FAM20C: variants seen among roughly 807,000 people sequenced by gnomAD.
The protein encoded by FAM20C is extracellular serine/threonine protein kinase FAM20C.
FAM20C carries 40 observed loss-of-function variants against 51.5 expected under a neutral mutation model. The observed-to-expected ratio is 0.78, with a 90% CI of 0.60 to 1.01. FAM20C has a LOEUF of 1.01. Ranked by LOEUF, FAM20C falls within the 50% of genes least tolerant of loss-of-function variation. The pLI is 0.00. For missense variants in FAM20C, 861 were observed against 844.7 expected (o/e 1.02, Z -0.24); for synonymous variants, 406 against 380.6 (o/e 1.07, Z -0.78).
chr7:257,143 C>G (rs1788619795), intron 8 of FAM20C, 57 bp downstream of exon 8: 1 of 1,481,768 alleles, frequency 6.7e-7, no homozygotes, highest in East Asian at 2.5e-5. Context: ...TCCCAGCTAC[C>G]TGCAGCCCAC....
At chr7:242,994 C>T (rs898981386) in intron 3 of FAM20C, among the ~76,000 whole-genome samples, 5 of 151,340 alleles carry the variant, frequency 3.3e-5, no homozygotes, top group African/African-American at 9.7e-5. Context: ...CTGTGCCACC[C>T]GGGAGACCTG....
intron 3 of FAM20C, among the ~76,000 whole-genome samples, chr7:237,664 G>C (rs2115131467): frequency 6.6e-6 from 1 of 151,930 alleles, no homozygotes; most frequent in African/African-American, 2.4e-5. Flanking sequence ...TGATACTGAT[G>C]GTGATAGTGA....
chr7:192,812 G>A lies in FAM20C; in HGVS notation c.-388G>A, dbSNP rs1349273353. Among the ~76,000 whole-genome samples the A allele has an allele frequency of 1.4e-5, 2 of 139,988 alleles. No individual in the cohort carries two copies. The highest frequency in any genetic ancestry group is 5.1e-5 in the African/African-American group (2 of 39,490). The allele number at this position is 139,988 out of a possible 152,430, so 91.8% of individuals were successfully genotyped here. A position where few individuals can be genotyped will look rare whatever the true frequency, so the allele number is the denominator to read the frequency against. The stretch of plus-strand genomic sequence containing the variant: ...CGGGACGCCTGCGGCCGCCGCCACC[G>A]CCCAGGCCCGTCGCGCCCCGGCCGG... On this transcript the variant is annotated 5_prime_UTR_variant, in exon 1 of 10. Transcript: ENST00000313766.
intron 3 of FAM20C, among the ~76,000 whole-genome samples, chr7:219,173 C>T (rs1787137280): frequency 6.6e-6 from 1 of 152,124 alleles, no homozygotes; most frequent in Admixed American, 6.5e-5. Context: ...AAGCCAGGCT[C>T]CACCTGGGGC....
At chr7:222,326 G>T (rs945744192) in intron 3 of FAM20C, among the ~76,000 whole-genome samples, 1 of 152,184 alleles carries the variant, frequency 6.6e-6, no homozygotes, top group African/African-American at 2.4e-5. Flanking sequence ...GGAGGGACTT[G>T]GGTGTCCAGA....
intron 3 of FAM20C, among the ~76,000 whole-genome samples, chr7:220,317 A>C (rs1267536585): frequency 6.6e-6 from 1 of 152,234 alleles, no homozygotes; most frequent in East Asian, 1.9e-4. Flanking sequence ...TGCCCTGCCC[A>C]GCAGAGTCGC....
Position 193,539 on chromosome 7 carries a change from G to A in FAM20C, c.340G>A (p.Ala114Thr). The A allele has an allele frequency of 1.3e-6, 2 of 1,493,836 alleles. No individual in the cohort carries two copies. The highest frequency in any genetic ancestry group is 1.8e-4 in the Middle Eastern group (1 of 5,658). The allele number at this position is 1,493,836 out of a possible 1,614,324, so 92.5% of individuals were successfully genotyped here. The change falls in exon 1 of 10, where the codon GCC becomes ACC. Residue 114 changes from alanine (A) to threonine (T), a missense_variant. Around this residue, in one of 3 missense-constraint regions of FAM20C, gnomAD observed 561 missense variants for 499.8 expected, o/e 1.12. Transcript: ENST00000313766. ...CTCGCTGGAGAAACTGCCGCCCGCG[G>A]CCGAGCCGGCCGAGCGCGCCTTGCG... ...SHSLEKLPPAAEPAERALRGR... is the reference protein window; with the variant it reads ...SHSLEKLPPATEPAERALRGR...
intron 3 of FAM20C, chr7:228,620 G>A (rs1434882587): frequency 1.1e-5 from 5 of 456,282 alleles, no homozygotes; most frequent in South Asian, 7.7e-5. Context: ...GTGTGAGCCA[G>A]GGGAATGACC....
chr7:193,464 C>A lies in FAM20C; in HGVS notation c.265C>A (p.Arg89Ser). The A allele has an allele frequency of 6.8e-7, 1 of 1,480,328 alleles. No homozygotes were observed. 91.7% of individuals were successfully genotyped at this position (1,480,328 alleles called of 1,614,324 possible). A position where few individuals can be genotyped will look rare whatever the true frequency, so the allele number is the denominator to read the frequency against. Residue 89 changes from arginine (R) to serine (S), a missense_variant, in exon 1 of 10, where the codon CGC becomes AGC. Transcript: ENST00000313766. The part of the protein sequence containing the change: ...DAGWPNKHTL[R>S]ILQDFSSDPS... ...GGGCTGGCCCAACAAGCACACGCTCCGCATCCTGCAGGACTTCAGCTCCGA... is the reference window on the plus strand; with the variant it reads ...GGGCTGGCCCAACAAGCACACGCTCAGCATCCTGCAGGACTTCAGCTCCGA...
chr7:194,824 A>C (rs1000918059), intron 1 of FAM20C, among the ~76,000 whole-genome samples: 1 of 145,882 alleles, frequency 6.9e-6, no homozygotes, highest in Non-Finnish European at 1.5e-5. Context: ...GGCAGAAAGC[A>C]CCTCAGCTTT....
chr7:256,326 C>T (rs942278914), intron 6 of FAM20C: 5 of 572,678 alleles, frequency 8.7e-6, no homozygotes, highest in South Asian at 2.3e-5. Context: ...CTCACTCCTG[C>T]GGGAGAAACG....
chr7:250,640 C>T (rs575525078), intron 5 of FAM20C, among the ~76,000 whole-genome samples: 8 of 152,302 alleles, frequency 5.3e-5, no homozygotes, highest in Admixed American at 1.3e-4. Context: ...GCCTGAGCTC[C>T]GGCCGCTGTC....
rs564447754 is a variant in FAM20C, at chr7:224,322, C to T, written c.863+15346C>T. On this transcript the variant is annotated intron_variant, in intron 3 of 9. Transcript: ENST00000313766. ...GAATGGCACCGTCACGGGGGTCGCA[C>T]GGCGGCTGTCCCCTGAGCCTTCTCT... Among the ~76,000 whole-genome samples the T allele has an allele frequency of 1.2e-3, 33 of 27,492 alleles. 2 individuals carry two copies. The highest frequency in any genetic ancestry group is 3.0e-3 in the African/African-American group (26 of 8,732). 18.0% of individuals were successfully genotyped at this position (27,492 alleles called of 152,430 possible).
At chr7:228,868 G>A in intron 3 of FAM20C, 1 of 452,662 alleles carries the variant, frequency 2.2e-6, no homozygotes, top group Admixed American at 2.4e-5. Flanking sequence ...CATGCTGGCT[G>A]GAGGGTCCCA....
intron 3 of FAM20C, chr7:229,251 G>A (rs1562384555): frequency 2.6e-5 from 6 of 233,784 alleles, no homozygotes; most frequent in Non-Finnish European, 4.3e-5. Flanking sequence ...CCCCTTTTCT[G>A]TGAGGAATGC....
intron 3 of FAM20C, chr7:228,877 C>T (rs1372413479): frequency 4.5e-6 from 2 of 447,222 alleles, no homozygotes; most frequent in African/African-American, 2.0e-5. Flanking sequence ...TGGAGGGTCC[C>T]ACGCTGGGGA....
At position 260,003 on chromosome 7, in the gene FAM20C, C is replaced by T; in HGVS notation, c.*23C>T. The T allele has an allele frequency of 6.7e-7, 1 of 1,491,038 alleles. No homozygotes were observed. The allele number at this position is 1,491,038 out of a possible 1,614,324, so 92.4% of individuals were successfully genotyped here. ...TAGTGTCCGCCGGCCGCTGCGCTGCCCGGGACGGAGACAGAGGCGCCGGAC... is the reference window on the plus strand; with the variant it reads ...TAGTGTCCGCCGGCCGCTGCGCTGCTCGGGACGGAGACAGAGGCGCCGGAC... On this transcript the variant is annotated 3_prime_UTR_variant, in exon 10 of 10. Transcript: ENST00000313766.
intron 4 of FAM20C, 119 bp downstream of exon 4, chr7:246,626 G>C (rs150019266): frequency 2.1e-6 from 1 of 467,690 alleles, no homozygotes; most frequent in African/African-American, 3.2e-5. Context: ...CCATCAGGCA[G>C]CGCCGGTGCC....
At chr7:204,284 C>T (rs1367088362) in intron 2 of FAM20C, among the ~76,000 whole-genome samples, 3 of 152,248 alleles carry the variant, frequency 2.0e-5, no homozygotes, top group Admixed American at 6.5e-5. Context: ...GCTGCTGGCC[C>T]GCCTGAGGCT....
Sources: allele counts gnomAD v4.1 joint callset (sites outside exome capture counted in the v4.1 genomes callset), GRCh38; gene constraint gnomAD v4.1.1; regional missense constraint gnomAD v4.1.1; transcripts MANE v1.5; gene names NCBI Gene and HGNC (gene_info 2026-07-23, HGNC 2026-07-21).